Variants in PHC1 observed in about 807,000 individuals in gnomAD.
The protein encoded by PHC1 is polyhomeotic-like protein 1.
Under a neutral mutation model 104.3 loss-of-function variants are expected in PHC1, and 12 were observed. The ratio of observed to expected loss-of-function variants is 0.12; its 90% CI spans 0.07 to 0.19. The LOEUF (loss-of-function observed/expected upper bound fraction) is 0.19, where lower values mean the gene tolerates loss of function less well. PHC1 is among the 10% of genes least tolerant of loss of function. The pLI, the probability that PHC1 is intolerant of heterozygous loss-of-function variation, is 1.00. For synonymous variants in PHC1, 302 were observed against 455.8 expected (o/e 0.66, Z 4.30); for missense variants, 671 against 1,200.0 (o/e 0.56, Z 6.51).
At chr12:8,921,580 G>C in intron 4 of PHC1, 21 bp from the exon 5 acceptor site, 1 of 1,612,648 alleles carries the variant, frequency 6.2e-7, no homozygotes, top group Non-Finnish European at 8.5e-7. Flanking sequence ...CTTAGTCCTG[G>C]TTCCTTTCTG....
chr12:8,920,698 A>C (rs1180812906), intron 3 of PHC1, among the ~76,000 whole-genome samples: 2 of 152,008 alleles, frequency 1.3e-5, no homozygotes, highest in Non-Finnish European at 2.9e-5. Flanking sequence ...AAAGAGCGAG[A>C]CTCCTTCTCA....
At chr12:8,932,035 C>T (rs1945700485) in intron 7 of PHC1, among the ~76,000 whole-genome samples, 1 of 152,218 alleles carries the variant, frequency 6.6e-6, no homozygotes, top group Non-Finnish European at 1.5e-5. Context: ...AGATGGTGGT[C>T]TAAGCTGATG....
At chr12:8,927,083 T>C (rs1308465464) in intron 6 of PHC1, among the ~76,000 whole-genome samples, 1 of 152,154 alleles carries the variant, frequency 6.6e-6, no homozygotes, top group South Asian at 2.1e-4. Flanking sequence ...AAATCTGGAC[T>C]GTAGTGTCAC....
upstream of PHC1, among the ~76,000 whole-genome samples, chr12:8,914,250 T>C (rs77302212): frequency 6.4e-4 from 98 of 152,090 alleles, no homozygotes; most frequent in African/African-American, 2.3e-3. Flanking sequence ...AGCACTTTCT[T>C]AGTTTCGTCC....
Position 8,936,930 on chromosome 12 carries a change from T to C in PHC1, c.2443T>C (p.Ser815Pro), listed in dbSNP as rs1322797303. ...KYAPAEQFRG[S>P]KRFCSMTCAK... Reference sequence around the variant, plus strand: ...CGCCCCCGCAGAGCAGTTTCGTGGCTCTAAGAGGTTCTGCTCCATGACTTG... The same window carrying C: ...CGCCCCCGCAGAGCAGTTTCGTGGCCCTAAGAGGTTCTGCTCCATGACTTG... The change falls in exon 12 of 15, where the codon TCT becomes CCT. Residue 815 changes from serine to proline, a missense_variant. Transcript: ENST00000544916. 6.2e-7 allele frequency: 1 copy of C among 1,612,252 alleles called. No individual in the cohort carries two copies. The highest frequency in any genetic ancestry group is 8.5e-7 in the Non-Finnish European group (1 of 1,178,572).
chr12:8,918,706 A>G (rs1945272394), intron 2 of PHC1, among the ~76,000 whole-genome samples: 1 of 152,088 alleles, frequency 6.6e-6, no homozygotes, highest in Non-Finnish European at 1.5e-5. Flanking sequence ...TATGGCATGT[A>G]TTTCCAGCTC....
At chr12:8,933,695 C>T in intron 8 of PHC1, 170 bp from the exon 9 acceptor site, 1 of 642,852 alleles carries the variant, frequency 1.6e-6, no homozygotes, top group Non-Finnish European at 2.6e-6. Context: ...TTCTTTTGTC[C>T]TGATGGAAAG....
At chr12:8,915,439 A>T (rs1471931868) in intron 1 of PHC1, among the ~76,000 whole-genome samples, 1 of 151,616 alleles carries the variant, frequency 6.6e-6, no homozygotes, top group African/African-American at 2.4e-5. Context: ...TTTCTGCATG[A>T]TAAGAGTTTC....
intron 6 of PHC1, among the ~76,000 whole-genome samples, chr12:8,929,230 C>T (rs1041261113): frequency 2.0e-5 from 3 of 152,094 alleles, no homozygotes; most frequent in African/African-American, 7.2e-5. Flanking sequence ...CATTCTTTCC[C>T]TTTATCCATA....
chr12:8,941,372 TAGGGTACAGA>T lies in PHC1; in HGVS notation c.*1915_*1924del, dbSNP rs1946003296. On this transcript the variant is annotated 3_prime_UTR_variant, in exon 15 of 15. Coordinates refer to ENST00000544916, the MANE Select transcript of PHC1 (RefSeq NM_004426.3). ...TACCAGATTCTCATGGAGGCTACTA[TAGGGTACAGA>T]ATAACAACATGAAAGCAATCAACCC... The T allele has an allele frequency of 5.0e-6, 1 of 200,822 alleles. No individual in the cohort carries two copies. The highest frequency in any genetic ancestry group is 2.4e-5 in the African/African-American group (1 of 42,268). The allele number at this position is 200,822 out of a possible 1,614,324, so 12.4% of individuals were successfully genotyped here.
At chr12:8,932,054 A>C (rs1945701183) in intron 7 of PHC1, among the ~76,000 whole-genome samples, 1 of 152,184 alleles carries the variant, frequency 6.6e-6, no homozygotes, top group South Asian at 2.1e-4. Context: ...TGATTTGTAA[A>C]ATCCAAGTCA....
chr12:8,919,666 C>T lies in PHC1; in HGVS notation c.115-90C>T, dbSNP rs1003315599. The T allele has an allele frequency of 3.1e-6, 4 of 1,300,142 alleles. No homozygotes were observed. The highest frequency in any genetic ancestry group is 1.5e-5 in the African/African-American group (1 of 68,480). The allele number at this position is 1,300,142 out of a possible 1,614,324, so 80.5% of individuals were successfully genotyped here. On this transcript the variant is annotated intron_variant, in intron 2 of 14. Coordinates refer to ENST00000544916, the MANE Select transcript of PHC1 (RefSeq NM_004426.3). The surrounding 1 kb of genome is among the most constrained non-coding windows in gnomAD (Gnocchi z 4.9). Reference sequence around the variant, plus strand: ...CATCTCCTCTGGTTTCTGTCCTTCCCATGGCCCCCTTTCACACAAATACAG... The same window carrying T: ...CATCTCCTCTGGTTTCTGTCCTTCCTATGGCCCCCTTTCACACAAATACAG...
chr12:8,930,988 TC>T, intron 7 of PHC1, 61 bp downstream of exon 7: 1 of 1,527,464 alleles, frequency 6.5e-7, no homozygotes. Flanking sequence ...TTCCTTTTTT[TC>T]TTTTTTTGCC....
At chr12:8,916,428 T>A (rs1336929226) in intron 1 of PHC1, among the ~76,000 whole-genome samples, 1 of 152,160 alleles carries the variant, frequency 6.6e-6, no homozygotes, top group African/African-American at 2.4e-5. Context: ...AGCCAGATAA[T>A]ATTTTGGTGA....
At chr12:8,915,412 C>T (rs78876903) in intron 1 of PHC1, 2 of 152,228 alleles carry the variant, frequency 1.3e-5, no homozygotes, top group Non-Finnish European at 2.9e-5. Context: ...TCCCGTCCCC[C>T]TTCCTATGTC....
chr12:8,934,363 C>T lies in PHC1; in HGVS notation c.2138C>T (p.Ala713Val), dbSNP rs752544794. ...CCTTCAGTACCGCCTCCTACACTAG[C>T]CATGGTGTCTAGACAAATGGGTGAC... Reference protein sequence around the residue: ...PAPSVPPPTLAMVSRQMGDSK... With the variant: ...PAPSVPPPTLVMVSRQMGDSK... Residue 713 changes from alanine (A) to valine (V), a missense_variant, in exon 10 of 15, where the codon GCC (alanine) becomes GTC (valine). Ala to Val is a moderately conservative substitution (Grantham distance 64). Transcript: ENST00000544916. 25 of 1,612,880 alleles carry T rather than the reference C, an allele frequency of 1.6e-5. No homozygotes were observed. The highest frequency in any genetic ancestry group is 2.0e-5 in the Non-Finnish European group (23 of 1,178,974).
intron 12 of PHC1, 76 bp downstream of exon 12, chr12:8,937,040 C>T: frequency 1.4e-6 from 2 of 1,387,320 alleles, no homozygotes; most frequent in Non-Finnish European, 2.0e-6. Flanking sequence ...CCAGGATCGT[C>T]TCATAGCTGA....
chr12:8,927,913 C>CTTTCTTTCTTTCTTTCT (rs1555128000), intron 6 of PHC1, among the ~76,000 whole-genome samples: 14 of 35,740 alleles, frequency 3.9e-4, no homozygotes, highest in Admixed American at 1.4e-3. Context: ...TTCTTTCTTT[C>CTTTCTTTCTTTCTTTCT]TTTTTTTTTT....
chr12:8,937,884 C>T lies in PHC1; in HGVS notation c.2684C>T (p.Ser895Phe), dbSNP rs778047562. Reference protein sequence around the residue: ...SDNSSYDEALSPTSPGPLSVR... With the variant: ...SDNSSYDEALFPTSPGPLSVR... Reference sequence around the variant, plus strand: ...AATTCCAGTTATGATGAAGCACTCTCTCCAACATCTCCTGGGCCTTTATCA... The same window carrying T: ...AATTCCAGTTATGATGAAGCACTCTTTCCAACATCTCCTGGGCCTTTATCA... Residue 895 changes from serine (S) to phenylalanine (F), a missense_variant, in exon 14 of 15, where the codon TCT (serine) becomes TTT (phenylalanine). This residue lies in a region of PHC1 where 192 missense variants were observed against 280.5 expected (regional missense o/e 0.68). Coordinates refer to ENST00000544916, the MANE Select transcript of PHC1 (RefSeq NM_004426.3). 6.2e-7 allele frequency: 1 copy of T among 1,612,396 alleles called. No individual in the cohort carries two copies. Among genetic ancestry groups the T allele is most frequent in the Non-Finnish European group, 8.5e-7 (1 of 1,178,504 alleles).
Sources: gnomAD v4.1 joint callset for allele counts (sites outside exome capture counted in the v4.1 genomes callset) on GRCh38, gnomAD v4.1.1 for gene constraint, gnomAD v4.1.1 regional missense constraint, Gnocchi (gnomAD v3.1) non-coding constraint, MANE v1.5 for transcripts, NCBI Gene and HGNC (gene_info 2026-07-23, HGNC 2026-07-21) for gene names.